GPR139: variants seen among roughly 807,000 people sequenced by gnomAD.
The protein encoded by GPR139 is probable G protein-coupled receptor 139.
In GPR139, 12 loss-of-function variants were observed where a neutral mutation model predicts 25.8. The observed-to-expected ratio is 0.47, with a 90% CI of 0.30 to 0.75. The LOEUF is 0.75. GPR139 is among the 30% of genes least tolerant of loss of function. The probability of loss-of-function intolerance (pLI) is 0.07; values close to 1 mark genes in which losing one functional copy is unlikely to be tolerated. For synonymous variants in GPR139, 184 were observed against 179.9 expected (o/e 1.02, Z -0.18); for missense variants, 380 against 450.2 (o/e 0.84, Z 1.41).
rs1334867595 is a variant in GPR139, at chr16:20,029,484, A to AATAAATAAATAT, written c.*2250_*2251insATATTTATTTAT. 1.4e-5 allele frequency among the ~76,000 whole-genome samples: 2 copies of AATAAATAAATAT among 144,080 alleles called. No individual in the cohort carries two copies. Among genetic ancestry groups the AATAAATAAATAT allele is most frequent in the Non-Finnish European group, 3.1e-5 (2 of 64,660 alleles). 94.5% of individuals were successfully genotyped at this position (144,080 alleles called of 152,430 possible). The stretch of plus-strand genomic sequence containing the variant: ...TACATGTTTAAAAAATAAATAAATA[A>AATAAATAAATAT]ATATATATATATATATATATTCAGT... On this transcript the variant is annotated 3_prime_UTR_variant, in exon 2 of 2. Coordinates refer to ENST00000570682, the MANE Select transcript of GPR139 (RefSeq NM_001002911.4).
At chr16:20,071,434 C>T (rs1350401542) in intron 1 of GPR139, among the ~76,000 whole-genome samples, 2 of 152,152 alleles carry the variant, frequency 1.3e-5, no homozygotes, top group African/African-American at 4.8e-5. Flanking sequence ...TGGAATCATG[C>T]GCTTGCATTT....
intron 1 of GPR139, among the ~76,000 whole-genome samples, chr16:20,053,798 T>C (rs2057380122): frequency 6.6e-6 from 1 of 150,566 alleles, no homozygotes; most frequent in South Asian, 2.1e-4. Flanking sequence ...CATTCATAGA[T>C]GAAGAATTCT....
chr16:20,031,113 T>C lies in GPR139; in HGVS notation c.*622A>G, dbSNP rs942503314. Among the ~76,000 whole-genome samples, 1 of 152,112 alleles carries C rather than the reference T, an allele frequency of 6.6e-6. No homozygotes were observed. Among genetic ancestry groups the C allele is most frequent in the African/African-American group, 2.4e-5 (1 of 41,404 alleles). On this transcript the variant is annotated 3_prime_UTR_variant, in exon 2 of 2. Transcript: ENST00000570682. ...GTTTGAGGTCACAGCTATGCGGGTT[T>C]GGAGATTTCCTGAAGAAGCTCTGGC...
intron 1 of GPR139, among the ~76,000 whole-genome samples, chr16:20,065,590 G>A (rs1231646011): frequency 6.6e-6 from 1 of 152,124 alleles, no homozygotes; most frequent in Non-Finnish European, 1.5e-5. Flanking sequence ...AGTTAAATGA[G>A]GCCAGGCGCA....
chr16:20,046,560 G>T (rs2057354975), intron 1 of GPR139, among the ~76,000 whole-genome samples: 1 of 152,234 alleles, frequency 6.6e-6, no homozygotes, highest in African/African-American at 2.4e-5. Context: ...GACAGGGAAA[G>T]AGGCTACATG....
rs1055511722 is a variant in GPR139, at chr16:20,073,292, A to G, written c.127+198T>C. Among the ~76,000 whole-genome samples, 55 of 150,804 alleles carry G rather than the reference A, an allele frequency of 3.6e-4. No individual in the cohort carries two copies. Among genetic ancestry groups the G allele is most frequent in the African/African-American group, 1.3e-3 (53 of 41,236 alleles). The stretch of plus-strand genomic sequence containing the variant: ...CACACACACACACGCTCGCGCGCGC[A>G]CACACACACACACGGTCCCCAGCTA... On this transcript the variant is annotated intron_variant, in intron 1 of 1. Coordinates refer to ENST00000570682, the MANE Select transcript of GPR139 (RefSeq NM_001002911.4). This position sits in a 1 kb window ranked among gnomAD's most constrained non-coding sequence, Gnocchi z 4.7.
chr16:20,058,157 G>T (rs2057397831), intron 1 of GPR139, among the ~76,000 whole-genome samples: 1 of 152,132 alleles, frequency 6.6e-6, no homozygotes, highest in African/African-American at 2.4e-5. Flanking sequence ...TCAATAAGAT[G>T]GGCACTCATC....
At chr16:20,046,885 A>G (rs2057356066) in intron 1 of GPR139, among the ~76,000 whole-genome samples, 1 of 152,118 alleles carries the variant, frequency 6.6e-6, no homozygotes, top group South Asian at 2.1e-4. Context: ...TCTGGGCAAC[A>G]TAGTGAGACC....
At chr16:20,053,708 G>T (rs980823805) in intron 1 of GPR139, among the ~76,000 whole-genome samples, 6 of 152,088 alleles carry the variant, frequency 3.9e-5, no homozygotes, top group Admixed American at 2.0e-4. Flanking sequence ...TATTTCAGAG[G>T]TATCCTGATT....
chr16:20,039,132 G>GTGAC (rs560280813), intron 1 of GPR139, among the ~76,000 whole-genome samples: 8 of 152,216 alleles, frequency 5.3e-5, no homozygotes, highest in Non-Finnish European at 1.0e-4. Flanking sequence ...CCCATGTTTT[G>GTGAC]TGACTGCAAA....
At chr16:20,056,361 T>C (rs1305758326) in intron 1 of GPR139, among the ~76,000 whole-genome samples, 2 of 152,248 alleles carry the variant, frequency 1.3e-5, no homozygotes, top group Non-Finnish European at 2.9e-5. Context: ...TTTTCCTTTA[T>C]GGCACAAGTA....
At chr16:20,033,920 A>G (rs2057300680) in intron 1 of GPR139, among the ~76,000 whole-genome samples, 1 of 151,856 alleles carries the variant, frequency 6.6e-6, no homozygotes, top group Non-Finnish European at 1.5e-5. Flanking sequence ...AACAGCAGCA[A>G]TGTTTTATTT....
At chr16:20,052,368 C>T (rs1385496644) in intron 1 of GPR139, among the ~76,000 whole-genome samples, 1 of 152,248 alleles carries the variant, frequency 6.6e-6, no homozygotes, top group Admixed American at 6.5e-5. Flanking sequence ...GCCAGCAGTT[C>T]TCTGCCCCAC....
intron 1 of GPR139, among the ~76,000 whole-genome samples, chr16:20,062,662 CT>C (rs911739862): frequency 7.9e-5 from 12 of 152,188 alleles, no homozygotes; most frequent in African/African-American, 1.4e-4. Context: ...AGTGATTTGC[CT>C]TTTTTTCCTT....
chr16:20,070,715 AG>A (rs1165866123), intron 1 of GPR139, among the ~76,000 whole-genome samples: 1 of 152,220 alleles, frequency 6.6e-6, no homozygotes, highest in Non-Finnish European at 1.5e-5. Flanking sequence ...ACTTGGGGTG[AG>A]TCCACTGCCA....
In GPR139 at chr16:20,061,339, G is replaced by A. The variant is rs181810527; in HGVS notation, c.127+12151C>T. On this transcript the variant is annotated intron_variant, in intron 1 of 1. Transcript: ENST00000570682. ...GATAGATGCGTGGATGGATGGATGG[G>A]TGGATGGATAGATGAATCAATGGGT... Among the ~76,000 whole-genome samples the A allele has an allele frequency of 2.3e-4, 35 of 151,558 alleles. 1 individual carries two copies. Among genetic ancestry groups the A allele is most frequent in the Admixed American group, 1.8e-3 (27 of 15,220 alleles).
intron 1 of GPR139, among the ~76,000 whole-genome samples, chr16:20,072,149 T>C (rs1040322271): frequency 2.4e-4 from 36 of 152,104 alleles, no homozygotes; most frequent in African/African-American, 8.2e-4. Flanking sequence ...GCAGGGCAAG[T>C]CAGAGGCTGA....
Position 20,073,671 on chromosome 16 carries a change from T to A in GPR139, c.-55A>T. ...CGCGCCCGGCCTGCCAGCCCGACTC[T>A]GGTCGCCGGCTCGGTGGTGGCGGCG... is the stretch of plus-strand genomic sequence containing the variant. On this transcript the variant is annotated 5_prime_UTR_variant, in exon 1 of 2. Coordinates refer to ENST00000570682, the MANE Select transcript of GPR139 (RefSeq NM_001002911.4). This position sits in a 1 kb window ranked among gnomAD's most constrained non-coding sequence, Gnocchi z 4.7. 2 of 1,495,784 alleles carry A rather than the reference T, an allele frequency of 1.3e-6. No homozygotes were observed. The highest frequency in any genetic ancestry group is 1.8e-6 in the Non-Finnish European group (2 of 1,123,902). 92.7% of individuals were successfully genotyped at this position (1,495,784 alleles called of 1,614,324 possible).
At position 20,073,520 on chromosome 16, in the gene GPR139, A is replaced by G; in HGVS notation, c.97T>C (p.Tyr33His). Reference protein sequence around the residue: ...CGLGFVPVVYYSLLLCLGLPA... With the variant: ...CGLGFVPVVYHSLLLCLGLPA... ...AAACCGAGGCACAGCAAGAGGCTGT[A>G]GTAGACCACGGGCACGAAACCCAAG... is the stretch of plus-strand genomic sequence containing the variant. Residue 33 changes from tyrosine to histidine, a missense_variant, in exon 1 of 2, where the codon TAC (tyrosine) becomes CAC (histidine). Physicochemically the swap from Tyr to His is moderately conservative, Grantham distance 83. Coordinates refer to ENST00000570682, the MANE Select transcript of GPR139 (RefSeq NM_001002911.4). The surrounding 1 kb of genome is among the most constrained non-coding windows in gnomAD (Gnocchi z 4.7). 6.2e-7 allele frequency: 1 copy of G among 1,611,192 alleles called. No individual in the cohort carries two copies. Among genetic ancestry groups the G allele is most frequent in the Non-Finnish European group, 8.5e-7 (1 of 1,178,938 alleles).
Sources: allele counts gnomAD v4.1 joint callset (sites outside exome capture counted in the v4.1 genomes callset), GRCh38; gene constraint gnomAD v4.1.1; non-coding constraint Gnocchi (gnomAD v3.1); transcripts MANE v1.5; gene names NCBI Gene and HGNC (gene_info 2026-07-23, HGNC 2026-07-21).